Variants in UNC13B observed in about 807,000 individuals in gnomAD.
UNC13B encodes unc-13 homolog B, also known as protein unc-13 homolog B.
In UNC13B, 144 loss-of-function variants were observed where a neutral mutation model predicts 211.0. The ratio of observed to expected loss-of-function variants is 0.68; its 90% CI spans 0.60 to 0.78. The LOEUF (loss-of-function observed/expected upper bound fraction) is 0.78. UNC13B is among the 30% of genes least tolerant of loss of function. The probability of loss-of-function intolerance (pLI) is 0.00; values close to 1 mark genes in which losing one functional copy is unlikely to be tolerated. For synonymous variants in UNC13B, 709 were observed against 725.8 expected, an observed-to-expected ratio of 0.98 and a Z score of 0.37; for missense variants, 1,777 against 2,002.0, an observed-to-expected ratio of 0.89 and a Z score of 2.14.
chr9:35,293,533 C>T (rs888419813), intron 7 of UNC13B, among the ~76,000 whole-genome samples: 1 of 152,138 alleles, frequency 6.6e-6, no homozygotes, highest in African/African-American at 2.4e-5. Context: ...GCCTCTGCCC[C>T]TTCATCTGTA....
chr9:35,334,907 G>A (rs1368920828), intron 11 of UNC13B, among the ~76,000 whole-genome samples: 2 of 151,990 alleles, frequency 1.3e-5, no homozygotes, highest in African/African-American at 4.8e-5. Flanking sequence ...GCTTGGTGGC[G>A]GGCACCTGTA....
chr9:35,336,522 A>G (rs1831668316), intron 11 of UNC13B, among the ~76,000 whole-genome samples: 1 of 152,112 alleles, frequency 6.6e-6, no homozygotes, highest in African/African-American at 2.4e-5. Context: ...TTCGAGAAAG[A>G]GTCTCGCTCT....
At chr9:35,343,319 A>C (rs1224653529) in intron 11 of UNC13B, among the ~76,000 whole-genome samples, 1 of 152,248 alleles carries the variant, frequency 6.6e-6, no homozygotes, top group Non-Finnish European at 1.5e-5. Context: ...GTGTCCCTCT[A>C]GTATGAGTTG....
chr9:35,179,014 T>A (rs1324205676), intron 1 of UNC13B, among the ~76,000 whole-genome samples: 4 of 152,122 alleles, frequency 2.6e-5, no homozygotes, highest in Non-Finnish European at 5.9e-5. Flanking sequence ...TTAATTCTTG[T>A]AATAACCTTG....
intron 1 of UNC13B, among the ~76,000 whole-genome samples, chr9:35,201,226 G>T (rs183792574): frequency 5.9e-5 from 9 of 152,282 alleles, no homozygotes; most frequent in African/African-American, 1.4e-4. Flanking sequence ...TGTGCTGCTG[G>T]ATTCGGTTTG....
At chr9:35,212,513 C>T (rs949511892) in intron 1 of UNC13B, among the ~76,000 whole-genome samples, 2 of 152,122 alleles carry the variant, frequency 1.3e-5, no homozygotes, top group African/African-American at 4.8e-5. Flanking sequence ...GTGGAGATTG[C>T]AGTGAGCTGA....
chr9:35,301,438 G>A lies in UNC13B; in HGVS notation c.2034G>A (p.Lys678=), dbSNP rs1829677895. 1 of 398,728 alleles carries A rather than the reference G, an allele frequency of 2.5e-6. No individual in the cohort carries two copies. Among genetic ancestry groups the A allele is most frequent in the Non-Finnish European group, 4.4e-6 (1 of 225,918 alleles). 24.7% of individuals were successfully genotyped at this position (398,728 alleles called of 1,614,324 possible). The part of the protein sequence containing the change: ...EETKKDDDQS[K]PPRKESFVEC... ...CAAAAAAAGATGATGACCAGAGTAA[G>A]CCACCAAGAAAAGAAAGCTTTGTTG... The change falls in exon 9 of 40, where the codon AAG becomes AAA. Residue 678 remains lysine, a synonymous_variant. Transcript: ENST00000635942.
At chr9:35,287,012 C>T (rs1033390863) in intron 7 of UNC13B, among the ~76,000 whole-genome samples, 1 of 151,984 alleles carries the variant, frequency 6.6e-6, no homozygotes, top group Non-Finnish European at 1.5e-5. Flanking sequence ...TAGCTGGGAC[C>T]ACAAGCCTGC....
intron 11 of UNC13B, among the ~76,000 whole-genome samples, chr9:35,348,624 T>C (rs1564154494): frequency 6.6e-6 from 1 of 152,198 alleles, no homozygotes. Context: ...TGGGTTTCCC[T>C]ACTTTGTTGA....
chr9:35,344,848 G>A (rs772329893), intron 11 of UNC13B, among the ~76,000 whole-genome samples: 2 of 152,168 alleles, frequency 1.3e-5, no homozygotes, highest in Admixed American at 1.3e-4. Flanking sequence ...GTCCAACTAT[G>A]TTCTGGTTTC....
intron 11 of UNC13B, among the ~76,000 whole-genome samples, chr9:35,339,846 A>C (rs1387575608): frequency 1.3e-5 from 2 of 152,246 alleles, no homozygotes; most frequent in Non-Finnish European, 2.9e-5. Context: ...GCCAGGCCTT[A>C]GGGCCACTTT....
At chr9:35,365,763 A>G (rs188780008) in intron 11 of UNC13B, among the ~76,000 whole-genome samples, 403 of 152,206 alleles carry the variant, frequency 2.6e-3, no homozygotes, top group Admixed American at 4.4e-3. Context: ...TACCAATATC[A>G]TCCTACCTAT....
chr9:35,364,076 T>C (rs1335034277), intron 11 of UNC13B, among the ~76,000 whole-genome samples: 1 of 152,160 alleles, frequency 6.6e-6, no homozygotes, highest in Non-Finnish European at 1.5e-5. Context: ...TGGAAAAGGC[T>C]CAGTCACCAG....
Position 35,295,783 on chromosome 9 carries a change from CA to C in UNC13B, c.615del (p.Ala206LeufsTer57), listed in dbSNP as rs1564118771. On this transcript the variant is annotated frameshift_variant, in exon 8 of 40. Coordinates refer to ENST00000635942, the MANE Select transcript of UNC13B (RefSeq NM_001371189.2). LOFTEE classifies it high-confidence loss of function. ...TSNSFPPPYH[T>X]ASQPNASVHQ... ...AACAGCTTCCCACCTCCTTACCATA[CA>C]GCTTCCCAGCCCAACGCTTCTGTGC... The C allele has an allele frequency of 1.2e-6, 2 of 1,614,130 alleles. No individual in the cohort carries two copies. The highest frequency in any genetic ancestry group is 2.2e-5 in the South Asian group (2 of 91,070).
chr9:35,190,255 C>T (rs984486873), intron 1 of UNC13B, among the ~76,000 whole-genome samples: 2 of 152,112 alleles, frequency 1.3e-5, no homozygotes, highest in Non-Finnish European at 2.9e-5. Flanking sequence ...TCTTATCTCT[C>T]AATAGGGGGT....
chr9:35,328,947 A>G (rs946142482), intron 11 of UNC13B, among the ~76,000 whole-genome samples: 1 of 150,012 alleles, frequency 6.7e-6, no homozygotes, highest in East Asian at 2.0e-4. Flanking sequence ...TTTTTTTTGT[A>G]TTTTTAGTAG....
chr9:35,259,803 G>GT (rs934171055), intron 7 of UNC13B, among the ~76,000 whole-genome samples: 2 of 145,206 alleles, frequency 1.4e-5, no homozygotes, highest in African/African-American at 2.6e-5. Flanking sequence ...ATGCGGGGGG[G>GT]GGGGATTTTG....
At chr9:35,291,891 C>CTTTTAG (rs1248872444) in intron 7 of UNC13B, among the ~76,000 whole-genome samples, 1 of 152,096 alleles carries the variant, frequency 6.6e-6, no homozygotes, top group Non-Finnish European at 1.5e-5. Context: ...AGTACTTCTG[C>CTTTTAG]TATTAGGAAA....
At chr9:35,369,924 G>A (rs993436950) in intron 12 of UNC13B, among the ~76,000 whole-genome samples, 3 of 152,174 alleles carry the variant, frequency 2.0e-5, no homozygotes, top group Non-Finnish European at 4.4e-5. Flanking sequence ...TTCTAGCACA[G>A]CCTTGGCAAG....
Sources: gnomAD v4.1 joint callset for allele counts (sites outside exome capture counted in the v4.1 genomes callset) on GRCh38, gnomAD v4.1.1 for gene constraint, MANE v1.5 for transcripts, NCBI Gene and HGNC (gene_info 2026-07-23, HGNC 2026-07-21) for gene names.